The following MTHFSD variants were observed in gnomAD, a reference collection of about 807,000 sequenced individuals.
The protein encoded by MTHFSD is methenyltetrahydrofolate synthetase domain containing, also known as methenyltetrahydrofolate synthase domain-containing protein.
Under a neutral mutation model 31.1 loss-of-function variants are expected in MTHFSD, and 37 were observed. The ratio of observed to expected loss-of-function variants is 1.19; its 90% CI spans 0.91 to 1.56. The LOEUF (loss-of-function observed/expected upper bound fraction) is 1.56. MTHFSD is among the 40% of genes most tolerant of loss of function. The pLI is 0.00. For missense variants in MTHFSD, 664 were observed against 510.1 expected (o/e 1.30, Z -2.91); for synonymous variants, 221 against 206.9 (o/e 1.07, Z -0.59).
Position 86,554,699 on chromosome 16 carries a change from T to C in MTHFSD, c.69A>G (p.Ser23=), listed in dbSNP as rs376705601. Residue 23 remains serine, a synonymous_variant, in exon 2 of 8, where the codon TCA becomes TCG. Coordinates refer to ENST00000360900, the MANE Select transcript of MTHFSD (RefSeq NM_001159377.2). ...GTCGGGGAAAGTCAGCTAAATTTTG[T>C]GATTCCATGTAGCCCCAAATTTGTT... ...IREQIWGYME[S]QNLADFPRPV... is the part of the protein sequence containing the mutation. The C allele has an allele frequency of 1.9e-6, 3 of 1,614,130 alleles. No homozygotes were observed. In the African/African-American group the frequency reaches 4.0e-5, roughly 22 times the overall value.
At chr16:86,546,492 C>A (rs1475887002) in intron 5 of MTHFSD, 67 bp downstream of exon 5, 3 of 1,409,416 alleles carry the variant, frequency 2.1e-6, no homozygotes, top group South Asian at 2.3e-5. Flanking sequence ...GAAAGACAAA[C>A]AGCCTGGCAC....
intron 7 of MTHFSD, among the ~76,000 whole-genome samples, chr16:86,534,760 G>A (rs1970443711): frequency 6.6e-6 from 1 of 151,964 alleles, no homozygotes; most frequent in Non-Finnish European, 1.5e-5. Context: ...TTGGCTCTGA[G>A]TACAGCACCA....
At position 86,542,977 on chromosome 16, in the gene MTHFSD, G is replaced by A. The variant is rs756029742; in HGVS notation, c.443-764C>T. On this transcript the variant is annotated intron_variant, in intron 5 of 7. Transcript: ENST00000360900. The surrounding 1 kb of genome is among the most constrained non-coding windows in gnomAD (Gnocchi z 4.6). ...GCGAGTGCCACCAGCAGCATCACCC[G>A]CAGAGCACCCGCATCACTGCTGCCG... Among the ~76,000 whole-genome samples the A allele has an allele frequency of 1.1e-4, 16 of 152,268 alleles. No individual in the cohort carries two copies. The highest frequency in any genetic ancestry group is 6.2e-4 in the South Asian group (3 of 4,824).
intron 3 of MTHFSD, 22 bp downstream of exon 3, chr16:86,552,011 C>T (rs377028609): frequency 2.7e-5 from 43 of 1,613,604 alleles, no homozygotes; most frequent in Admixed American, 8.3e-5. Flanking sequence ...GGTCTCGGCT[C>T]GGCTCAGGGA....
intron 5 of MTHFSD, 136 bp downstream of exon 5, chr16:86,546,423 G>A (rs1972315161): frequency 2.7e-6 from 2 of 738,776 alleles, no homozygotes; most frequent in Non-Finnish European, 4.7e-6. Flanking sequence ...TCTGAAAAAT[G>A]CAGCGGCTTC....
intron 7 of MTHFSD, chr16:86,540,900 G>A (rs1419716141): frequency 8.9e-7 from 1 of 1,124,882 alleles, no homozygotes; most frequent in Non-Finnish European, 1.1e-6. Flanking sequence ...ACACCTGCAG[G>A]GAAAGTCCCG....
rs1970569786 is a variant in MTHFSD at position 86,535,502 on chromosome 16, T to A, written c.682-3021A>T. On this transcript the variant is annotated intron_variant, in intron 7 of 7. Coordinates refer to ENST00000360900, the MANE Select transcript of MTHFSD (RefSeq NM_001159377.2). Reference sequence around the variant, plus strand: ...CTGGCTGGCAATGAGGAATAGTTGTTACATTCTGTCAATCTGGCATGTGAA... The same window carrying A: ...CTGGCTGGCAATGAGGAATAGTTGTAACATTCTGTCAATCTGGCATGTGAA... 3.0e-6 allele frequency: 3 copies of A among 985,452 alleles called. No homozygotes were observed. In the East Asian group the frequency reaches 3.4e-4, roughly 112 times the overall value. 61.0% of individuals were successfully genotyped at this position (985,452 alleles called of 1,614,324 possible).
chr16:86,537,723 G>C (rs1015698205), intron 7 of MTHFSD, among the ~76,000 whole-genome samples: 1 of 152,196 alleles, frequency 6.6e-6, no homozygotes, highest in African/African-American at 2.4e-5. Context: ...TTTTCTTGAG[G>C]TATCTGTAGA....
chr16:86,550,012 G>A (rs986748042), intron 3 of MTHFSD, among the ~76,000 whole-genome samples: 4 of 152,212 alleles, frequency 2.6e-5, no homozygotes, highest in Admixed American at 2.0e-4. Flanking sequence ...ACTGGCCACT[G>A]TGCCTGTAGC....
chr16:86,548,245 G>A (rs1462894759), intron 4 of MTHFSD: 29 of 950,090 alleles, frequency 3.1e-5, no homozygotes, highest in East Asian at 6.3e-5. Flanking sequence ...TGCCAATTTC[G>A]TGCAAAATAG....
At chr16:86,536,321 C>T (rs1025652707) in intron 7 of MTHFSD, among the ~76,000 whole-genome samples, 6 of 152,220 alleles carry the variant, frequency 3.9e-5, no homozygotes, top group South Asian at 2.1e-4. Flanking sequence ...GAGGAGAGCA[C>T]AGGGAAGGCC....
intron 2 of MTHFSD, among the ~76,000 whole-genome samples, chr16:86,552,814 G>A (rs1973361476): frequency 6.6e-6 from 1 of 152,212 alleles, no homozygotes. Context: ...GGAAGGTGGA[G>A]CTTGTTGTGG....
intron 5 of MTHFSD, 131 bp downstream of exon 5, chr16:86,546,428 G>T (rs1232600583): frequency 2.1e-5 from 16 of 772,614 alleles, no homozygotes; most frequent in Non-Finnish European, 3.1e-5. Flanking sequence ...AAAATGCAGC[G>T]GCTTCGGAGA....
chr16:86,540,667 A>G, intron 7 of MTHFSD: 4 of 986,888 alleles, frequency 4.1e-6, no homozygotes, highest in South Asian at 4.7e-5. Context: ...TTCCACTTAC[A>G]AGGAAGCTGT....
chr16:86,554,734 C>T lies in MTHFSD; in HGVS notation c.34G>A (p.Asp12Asn). The change falls in exon 2 of 8, where the codon GAC becomes AAC. Residue 12 changes from aspartate to asparagine, a missense_variant. Physicochemically the swap from Asp to Asn is conservative, Grantham distance 23. Coordinates refer to ENST00000360900, the MANE Select transcript of MTHFSD (RefSeq NM_001159377.2). ...TAGCCCCAAATTTGTTCACGTATGT[C>T]CTGTTTGGAGACACCTACTGCAACA... ...EPRAVGVSKQ[D>N]IREQIWGYME... 1 of 1,613,986 alleles carries T rather than the reference C, an allele frequency of 6.2e-7. No homozygotes were observed. Among genetic ancestry groups the T allele is most frequent in the Non-Finnish European group, 8.5e-7 (1 of 1,179,900 alleles).
intron 5 of MTHFSD, among the ~76,000 whole-genome samples, chr16:86,545,335 A>T (rs563223014): frequency 6.6e-6 from 1 of 152,248 alleles, no homozygotes; most frequent in African/African-American, 2.4e-5. Flanking sequence ...GTGCTGTTCA[A>T]TTTTCTAAGC....
At chr16:86,549,900 C>T (rs1043736877) in intron 3 of MTHFSD, among the ~76,000 whole-genome samples, 2 of 152,236 alleles carry the variant, frequency 1.3e-5, no homozygotes, top group African/African-American at 2.4e-5. Context: ...GCTGTGCATG[C>T]CCCCGGCACT....
chr16:86,538,146 G>A (rs1001352053), intron 7 of MTHFSD, among the ~76,000 whole-genome samples: 14 of 152,188 alleles, frequency 9.2e-5, no homozygotes, highest in South Asian at 4.1e-4. Context: ...CCTTGCCTTC[G>A]GCACAGTTGA....
intron 7 of MTHFSD, chr16:86,535,156 C>T: frequency 1.2e-6 from 1 of 801,248 alleles, no homozygotes; most frequent in Non-Finnish European, 1.5e-6. Flanking sequence ...ATCTTAACCA[C>T]ACATTATGAG....
Sources: gnomAD v4.1 joint callset for allele counts (sites outside exome capture counted in the v4.1 genomes callset) on GRCh38, gnomAD v4.1.1 for gene constraint, Gnocchi (gnomAD v3.1) non-coding constraint, MANE v1.5 for transcripts, NCBI Gene and HGNC (gene_info 2026-07-23, HGNC 2026-07-21) for gene names.